The following GSN variants were observed in gnomAD, a reference collection of about 807,000 sequenced individuals.
GSN encodes the protein actin-depolymerizing factor.
GSN carries 56 observed loss-of-function variants against 85.7 expected under a neutral mutation model. The observed-to-expected ratio is 0.65, with a 90% CI of 0.53 to 0.82. GSN has a LOEUF of 0.82. Ranked by LOEUF, GSN falls within the 40% of genes least tolerant of loss-of-function variation. GSN has a pLI of 0.00. For synonymous variants in GSN, 373 were observed against 399.1 expected, an observed-to-expected ratio of 0.93 and a Z score of 0.78; for missense variants, 857 against 979.8, an observed-to-expected ratio of 0.87 and a Z score of 1.67.
intron 1 of GSN, among the ~76,000 whole-genome samples, chr9:121,275,916 T>C (rs1481355097): frequency 6.6e-6 from 1 of 152,220 alleles, no homozygotes; most frequent in Non-Finnish European, 1.5e-5. Context: ...AGCATGAGTA[T>C]GGCCCTTGGA....
chr9:121,252,660 G>A (rs547251373), intron 6 of GSN, among the ~76,000 whole-genome samples: 9 of 152,182 alleles, frequency 5.9e-5, no homozygotes, highest in Non-Finnish European at 1.2e-4. Flanking sequence ...AGGCAGCCAC[G>A]TCTTCCAAGT....
chr9:121,254,715 C>A lies in GSN; in HGVS notation c.-341+6392C>A, dbSNP rs543835343. 1.6e-4 allele frequency among the ~76,000 whole-genome samples: 25 copies of A among 152,260 alleles called. No individual in the cohort carries two copies. In the South Asian group the frequency reaches 4.6e-3, roughly 28 times the overall value. ...ACGTAGCAATATGTTTGTGTCTCCA[C>A]CACGTTTTATTTCTAATGTTATTAT... On this transcript the variant is annotated intron_variant, in intron 6 of 24. Transcript: ENST00000373823.
intron 12 of GSN, among the ~76,000 whole-genome samples, chr9:121,325,969 G>A (rs1217299605): frequency 2.0e-5 from 3 of 151,900 alleles, no homozygotes; most frequent in Non-Finnish European, 4.4e-5. Flanking sequence ...GACATAGTTA[G>A]CCGGGGCCAC....
intron 4 of GSN, among the ~76,000 whole-genome samples, chr9:121,223,635 C>T (rs1057078047): frequency 2.4e-4 from 37 of 151,962 alleles, no homozygotes; most frequent in African/African-American, 9.0e-4. Context: ...TATTATTTTA[C>T]TTATAACGTA....
chr9:121,299,102 T>C lies in GSN; in HGVS notation c.-9-2861T>C, dbSNP rs968809955. On this transcript the variant is annotated intron_variant, in intron 2 of 17. Transcript: ENST00000432226. This position sits in a 1 kb window ranked among gnomAD's most constrained non-coding sequence, Gnocchi z 4.2. Reference sequence around the variant, plus strand: ...TGCCCCTGGGGAGAGGTAAATGTGATGGAGAGGGAACAACTGTGTACAAAC... The same window carrying C: ...TGCCCCTGGGGAGAGGTAAATGTGACGGAGAGGGAACAACTGTGTACAAAC... 2 of 157,206 alleles carry C rather than the reference T, an allele frequency of 1.3e-5. No individual in the cohort carries two copies. Among genetic ancestry groups the C allele is most frequent in the Non-Finnish European group, 1.4e-5 (1 of 72,616 alleles). The allele number at this position is 157,206 out of a possible 1,614,324, so 9.7% of individuals were successfully genotyped here. A position where few individuals can be genotyped will look rare whatever the true frequency, so the allele number is the denominator to read the frequency against.
At chr9:121,208,577 A>G (rs528378127) in intron 1 of GSN, among the ~76,000 whole-genome samples, 18 of 152,228 alleles carry the variant, frequency 1.2e-4, no homozygotes, top group Non-Finnish European at 2.6e-4. Context: ...ATGGCTCAAA[A>G]TACTTACTCC....
chr9:121,205,307 C>G (rs534085491), upstream of GSN, among the ~76,000 whole-genome samples: 2 of 152,328 alleles, frequency 1.3e-5, no homozygotes, highest in Admixed American at 1.3e-4. Context: ...TTCTTTCTGT[C>G]CCCTCATGGA....
At chr9:121,266,552 A>G (rs1472418888), upstream of GSN, among the ~76,000 whole-genome samples, 1 of 152,246 alleles carries the variant, frequency 6.6e-6, no homozygotes, top group African/African-American at 2.4e-5. Flanking sequence ...GGAACTGGGC[A>G]GAATTTCCCA....
At chr9:121,254,631 G>A (rs4556152) in intron 6 of GSN, among the ~76,000 whole-genome samples, 72,447 of 151,966 alleles carry the variant, frequency 0.48, 18,333 homozygotes, top group East Asian at 0.75. Flanking sequence ...TCTCTCCTCT[G>A]AAAGAGCAAT....
At chr9:121,204,878 T>G (rs2053857157), upstream of GSN, among the ~76,000 whole-genome samples, 1 of 152,184 alleles carries the variant, frequency 6.6e-6, no homozygotes, top group Non-Finnish European at 1.5e-5. Flanking sequence ...TGCAGAAAAC[T>G]AAATAGTATG....
At chr9:121,267,786 G>A (rs554376350), upstream of GSN, among the ~76,000 whole-genome samples, 2 of 152,276 alleles carry the variant, frequency 1.3e-5, no homozygotes, top group South Asian at 4.2e-4. Context: ...CTCCAGGGCT[G>A]AAATCTGCCT....
At chr9:121,276,586 A>G (rs893652805) in intron 1 of GSN, among the ~76,000 whole-genome samples, 19 of 152,328 alleles carry the variant, frequency 1.2e-4, no homozygotes, top group African/African-American at 4.3e-4. Context: ...CATGACTTTT[A>G]TAGCAGGGCT....
chr9:121,321,916 T>C lies in GSN; in HGVS notation c.1325+515T>C, dbSNP rs527982357. Among the ~76,000 whole-genome samples the C allele has an allele frequency of 9.9e-5, 15 of 152,204 alleles. No individual in the cohort carries two copies. The East Asian group carries it at 2.1e-3, about 22-fold the overall frequency. The stretch of plus-strand genomic sequence containing the variant: ...ACCACCATGCCTGGCTAATTTTTTG[T>C]ATTTTTAGTAAAGACGGGGTTTCAC... On this transcript the variant is annotated intron_variant, in intron 11 of 17. Transcript: ENST00000432226.
chr9:121,290,911 A>C (rs546095698), intron 2 of GSN, among the ~76,000 whole-genome samples: 1 of 152,234 alleles, frequency 6.6e-6, no homozygotes, highest in East Asian at 1.9e-4. Flanking sequence ...TCTGGGGCTC[A>C]AGTGATCCTC....
chr9:121,328,717 T>C, intron 14 of GSN, 174 bp from the exon 15 acceptor site: 3 of 704,050 alleles, frequency 4.3e-6, no homozygotes. Flanking sequence ...CTCTATTTCG[T>C]CACCTTCCAA....
chr9:121,268,078 C>T (rs1023150499), upstream of GSN: 5 of 151,588 alleles, frequency 3.3e-5, no homozygotes, highest in Non-Finnish European at 5.9e-5. Flanking sequence ...CCCGCCTGCC[C>T]GGCCGCCCCG....
intron 5 of GSN, among the ~76,000 whole-genome samples, chr9:121,233,507 G>A (rs2132162775): frequency 6.6e-6 from 1 of 152,040 alleles, no homozygotes; most frequent in East Asian, 1.9e-4. Flanking sequence ...ATTCTGCCAG[G>A]CACACAGAAT....
intron 4 of GSN, among the ~76,000 whole-genome samples, chr9:121,212,035 C>T (rs1257871674): frequency 1.3e-5 from 2 of 152,112 alleles, no homozygotes; most frequent in Non-Finnish European, 2.9e-5. Context: ...ACCTGGGCTC[C>T]TGTCTCCTCC....
rs752067290 is a variant in GSN, at chr9:121,317,161, T to C, written c.829T>C (p.Ser277Pro). The C allele has an allele frequency of 6.2e-7, 1 of 1,614,122 alleles. No homozygotes were observed. The highest frequency in any genetic ancestry group is 1.7e-5 in the Admixed American group (1 of 60,026). The part of the protein sequence containing the change: ...ENPFAQGALK[S>P]EDCFILDHGK... ...CCCCTTCGCCCAGGGGGCCCTGAAGTCAGAGGACTGCTTCATCCTGGACCA... is the reference window on the plus strand; with the variant it reads ...CCCCTTCGCCCAGGGGGCCCTGAAGCCAGAGGACTGCTTCATCCTGGACCA... The change falls in exon 8 of 18, where the codon TCA (serine) becomes CCA (proline). Residue 277 changes from serine (S) to proline (P), a missense_variant. Transcript: ENST00000432226.
Sources: allele counts gnomAD v4.1 joint callset (sites outside exome capture counted in the v4.1 genomes callset), GRCh38; gene constraint gnomAD v4.1.1; non-coding constraint Gnocchi (gnomAD v3.1); transcripts MANE v1.5; gene names NCBI Gene and HGNC (gene_info 2026-07-23, HGNC 2026-07-21).